Variants in ACMSD observed in about 807,000 individuals in gnomAD.
The protein encoded by ACMSD is aminocarboxymuconate semialdehyde decarboxylase.
In ACMSD, 37 loss-of-function variants were observed where a neutral mutation model predicts 45.9. The observed-to-expected ratio is 0.81, with a 90% confidence interval of 0.62 to 1.06. ACMSD has a LOEUF of 1.06. Among genes scored for constraint, ACMSD ranks in the 50% least tolerant of loss-of-function variants. The pLI is 0.00. For synonymous variants in ACMSD, 138 were observed against 148.8 expected (o/e 0.93, Z 0.53); for missense variants, 434 against 420.9 (o/e 1.03, Z -0.27).
In ACMSD at chr2:134,845,728, A is replaced by G. The variant is rs114141788; in HGVS notation, c.102+451A>G. 8.4e-3 allele frequency among the ~76,000 whole-genome samples: 1,278 copies of G among 152,260 alleles called. 17 individuals carry two copies. Among genetic ancestry groups the G allele is most frequent in the African/African-American group, 0.029 (1,220 of 41,536 alleles). The stretch of plus-strand genomic sequence containing the variant: ...ACACTGGAGACAAAGGGGAGAAGAC[A>G]GTGTTATTAAGGGTTGAGTTTGGTA... On this transcript the variant is annotated intron_variant, in intron 2 of 9. Transcript: ENST00000356140.
chr2:134,861,902 T>C, intron 3 of ACMSD, 67 bp from the exon 4 acceptor site: 1 of 1,582,866 alleles, frequency 6.3e-7, no homozygotes, highest in South Asian at 1.1e-5. Flanking sequence ...CGCTTGGCCT[T>C]GGGAAAGGAA....
chr2:134,865,988 T>G (rs575239985), intron 5 of ACMSD, among the ~76,000 whole-genome samples: 5 of 152,306 alleles, frequency 3.3e-5, no homozygotes, highest in Non-Finnish European at 5.9e-5. Flanking sequence ...ATTATAAAAT[T>G]CTTATAACAG....
chr2:134,868,611 T>G (rs1010461438), intron 6 of ACMSD, among the ~76,000 whole-genome samples: 2 of 151,690 alleles, frequency 1.3e-5, no homozygotes, highest in Non-Finnish European at 2.9e-5. Flanking sequence ...CAATGCCACG[T>G]CCAGCTAATC....
intron 1 of ACMSD, among the ~76,000 whole-genome samples, chr2:134,843,792 C>T (rs906787070): frequency 6.6e-6 from 1 of 152,218 alleles, no homozygotes; most frequent in African/African-American, 2.4e-5. Context: ...ATGCAGGAAG[C>T]GTGGAAATCC....
At chr2:134,901,584 C>G (rs1010715380) in intron 9 of ACMSD, among the ~76,000 whole-genome samples, 2 of 152,134 alleles carry the variant, frequency 1.3e-5, no homozygotes, top group Non-Finnish European at 2.9e-5. Context: ...TTATAAGTCT[C>G]TTCTCTCCCC....
intron 8 of ACMSD, among the ~76,000 whole-genome samples, chr2:134,874,947 A>T (rs1197909973): frequency 6.6e-6 from 1 of 152,218 alleles, no homozygotes; most frequent in Non-Finnish European, 1.5e-5. Context: ...CTGGGAATAT[A>T]AAGGTAATTA....
intron 1 of ACMSD, among the ~76,000 whole-genome samples, chr2:134,839,131 A>C (rs1686666877): frequency 6.6e-6 from 1 of 152,234 alleles, no homozygotes; most frequent in Admixed American, 6.5e-5. Flanking sequence ...ATCGGTTTCA[A>C]GGACTTCTAA....
intron 7 of ACMSD, 89 bp from the exon 8 acceptor site, chr2:134,872,380 G>C (rs1185461830): frequency 7.0e-7 from 1 of 1,436,514 alleles, no homozygotes; most frequent in African/African-American, 1.4e-5. Context: ...TAATCAGCTG[G>C]CCTACAGTAA....
At chr2:134,863,338 A>G in intron 4 of ACMSD, 57 bp from the exon 5 acceptor site, 1 of 1,500,082 alleles carries the variant, frequency 6.7e-7, no homozygotes, top group Non-Finnish European at 9.3e-7. Flanking sequence ...TTCAGAGTGA[A>G]TGTCTAAAAG....
In ACMSD at chr2:134,874,570, C is replaced by T. The variant is rs114676947; in HGVS notation, c.849+1929C>T. On this transcript the variant is annotated intron_variant, in intron 8 of 9. Transcript: ENST00000356140. ...GGTCTCTAGAAAGAAAATAATGGAACTGATGAATTATTTGATCTGTCTGAG... is the reference window on the plus strand; with the variant it reads ...GGTCTCTAGAAAGAAAATAATGGAATTGATGAATTATTTGATCTGTCTGAG... Among the ~76,000 whole-genome samples, 556 of 152,208 alleles carry T rather than the reference C, an allele frequency of 3.7e-3. 2 individuals are homozygous for T. Among genetic ancestry groups the T allele is most frequent in the African/African-American group, 0.013 (538 of 41,514 alleles).
chr2:134,873,607 T>C (rs1275656804), intron 8 of ACMSD: 1 of 152,262 alleles, frequency 6.6e-6, no homozygotes, highest in Non-Finnish European at 1.5e-5. Flanking sequence ...TAGTGGTTTA[T>C]CTCCAGAATG....
chr2:134,900,417 G>A (rs893547619), intron 9 of ACMSD, among the ~76,000 whole-genome samples: 1 of 152,084 alleles, frequency 6.6e-6, no homozygotes, highest in Non-Finnish European at 1.5e-5. Flanking sequence ...ATATTGCCAT[G>A]CTTGTGCTCA....
intron 8 of ACMSD, among the ~76,000 whole-genome samples, chr2:134,884,115 A>G (rs1181400716): frequency 6.6e-6 from 1 of 152,196 alleles, no homozygotes; most frequent in African/African-American, 2.4e-5. Context: ...CACAAGCCAA[A>G]TACAAGTACA....
chr2:134,901,752 TA>T, intron 9 of ACMSD, 45 bp from the exon 10 acceptor site: 2 of 1,498,118 alleles, frequency 1.3e-6, no homozygotes, highest in Non-Finnish European at 1.8e-6. Flanking sequence ...TAAAAGTACT[TA>T]AAAAACAACC....
intron 8 of ACMSD, among the ~76,000 whole-genome samples, chr2:134,890,584 T>C (rs1689724396): frequency 6.6e-6 from 1 of 152,080 alleles, no homozygotes; most frequent in African/African-American, 2.4e-5. Flanking sequence ...CAATGTTAAA[T>C]TTCCTGATTT....
intron 7 of ACMSD, 90 bp from the exon 8 acceptor site, chr2:134,872,379 G>A: frequency 6.9e-7 from 1 of 1,440,776 alleles, no homozygotes; most frequent in Admixed American, 1.8e-5. Flanking sequence ...TTAATCAGCT[G>A]GCCTACAGTA....
chr2:134,839,314 G>A (rs1361186827), intron 1 of ACMSD, among the ~76,000 whole-genome samples: 15 of 152,066 alleles, frequency 9.9e-5, no homozygotes, highest in Admixed American at 3.9e-4. Context: ...CAAAAAACCC[G>A]AGAATAAATG....
At position 134,901,809 on chromosome 2, in the gene ACMSD, A is replaced by G. The variant is rs1690516429; in HGVS notation, c.960A>G (p.Lys320=). 1 of 1,601,322 alleles carries G rather than the reference A, an allele frequency of 6.2e-7. No homozygotes were observed. Among genetic ancestry groups the G allele is most frequent in the Middle Eastern group, 1.7e-4 (1 of 5,980 alleles). Residue 320 remains lysine (K), a synonymous_variant, in exon 10 of 10, where the codon AAA becomes AAG. Coordinates refer to ENST00000356140, the MANE Select transcript of ACMSD (RefSeq NM_138326.3). ...TCTTTTCTTTTCAGAATAAACTCAA[A>G]GCCGGCAATGCCCTGGCATTTTTGG... The part of the protein sequence containing the change: ...EFDEETKNKL[K]AGNALAFLGL...
At chr2:134,853,254 T>C (rs1387686912) in intron 2 of ACMSD, among the ~76,000 whole-genome samples, 1 of 151,978 alleles carries the variant, frequency 6.6e-6, no homozygotes, top group Admixed American at 6.6e-5. Context: ...CAGCCATATT[T>C]GGGCTTGTTT....
Sources: allele counts gnomAD v4.1 joint callset (sites outside exome capture counted in the v4.1 genomes callset), GRCh38; gene constraint gnomAD v4.1.1; transcripts MANE v1.5; gene names NCBI Gene and HGNC (gene_info 2026-07-23, HGNC 2026-07-21).